Variants in CDK13 observed in about 807,000 individuals in gnomAD.
The protein encoded by CDK13 is cyclin dependent kinase 13.
CDK13 carries 40 observed loss-of-function variants against 137.6 expected under a neutral mutation model. The ratio of observed to expected loss-of-function variants is 0.29; its 90% CI spans 0.23 to 0.38. The LOEUF (loss-of-function observed/expected upper bound fraction) is 0.38. Among genes scored for constraint, CDK13 ranks in the 10% least tolerant of loss-of-function variants. CDK13 has a pLI of 1.00. For missense variants in CDK13, 1,704 were observed against 1,951.8 expected, an observed-to-expected ratio of 0.87 and a Z score of 2.39; for synonymous variants, 869 against 760.1, an observed-to-expected ratio of 1.14 and a Z score of -2.36.
chr7:40,079,625 G>A lies in CDK13; in HGVS notation c.3029+774G>A, dbSNP rs1378376469. Among the ~76,000 whole-genome samples, 6 of 152,140 alleles carry A rather than the reference G, an allele frequency of 3.9e-5. No individual in the cohort carries two copies. In the East Asian group the frequency reaches 1.2e-3, roughly 29 times the overall value. On this transcript the variant is annotated intron_variant, in intron 11 of 13. Transcript: ENST00000181839. Reference sequence around the variant, plus strand: ...CAGAGGAGGAAGCAGGCTCAGAGAGGTTAAGAAACTTGCCCAAGAATACAA... The same window carrying A: ...CAGAGGAGGAAGCAGGCTCAGAGAGATTAAGAAACTTGCCCAAGAATACAA...
chr7:40,069,422 T>G (rs1211119880), intron 9 of CDK13: 1 of 403,174 alleles, frequency 2.5e-6, no homozygotes, highest in Non-Finnish European at 5.0e-6. Flanking sequence ...TAATGCCAGC[T>G]CAGCTACTTC....
At chr7:40,065,538 C>T (rs10254394) in intron 9 of CDK13, among the ~76,000 whole-genome samples, 36,962 of 151,764 alleles carry the variant, frequency 0.24, 5,199 homozygotes, top group South Asian at 0.4. Context: ...GGGCTGCATT[C>T]GAAGCCATCC....
At chr7:39,972,308 A>G (rs1364647065) in intron 1 of CDK13, among the ~76,000 whole-genome samples, 1 of 152,242 alleles carries the variant, frequency 6.6e-6, no homozygotes, top group East Asian at 1.9e-4. Context: ...TTCTAGTTTT[A>G]AAAATAACAT....
intron 6 of CDK13, 52 bp downstream of exon 6, chr7:40,046,077 T>C (rs1033573583): frequency 8.9e-7 from 1 of 1,126,482 alleles, no homozygotes; most frequent in South Asian, 1.4e-5. Flanking sequence ...CATGGACATG[T>C]ACATGGAGAG....
rs1367788927 is a variant in CDK13 at position 39,951,519 on chromosome 7, A to T, written c.878A>T (p.Tyr293Phe). 7.2e-6 allele frequency: 11 copies of T among 1,535,420 alleles called. No individual in the cohort carries two copies. The highest frequency in any genetic ancestry group is 9.6e-6 in the Non-Finnish European group (11 of 1,143,302). ...TKSSKEPPSAYKEPPKAYRED... is the reference protein window; with the variant it reads ...TKSSKEPPSAFKEPPKAYRED... ...TCGTCCAAGGAGCCGCCTTCGGCCTACAAGGAACCGCCCAAGGCCTACCGG... is the reference window on the plus strand; with the variant it reads ...TCGTCCAAGGAGCCGCCTTCGGCCTTCAAGGAACCGCCCAAGGCCTACCGG... Residue 293 changes from tyrosine to phenylalanine, a missense_variant, in exon 1 of 14, where the codon TAC becomes TTC. By Grantham distance (22) the Tyr-to-Phe change is conservative. Coordinates refer to ENST00000181839, the MANE Select transcript of CDK13 (RefSeq NM_003718.5).
chr7:40,032,693 CTG>C (rs1168403674), intron 5 of CDK13, among the ~76,000 whole-genome samples: 3 of 151,700 alleles, frequency 2.0e-5, no homozygotes, highest in East Asian at 1.9e-4. Flanking sequence ...GATCAGTTGA[CTG>C]TTTTTTTAAT....
At chr7:40,077,732 T>C (rs1786577120) in intron 9 of CDK13, among the ~76,000 whole-genome samples, 1 of 152,078 alleles carries the variant, frequency 6.6e-6, no homozygotes, top group South Asian at 2.1e-4. Flanking sequence ...GGCGCATGCC[T>C]ATAATCCCAG....
At chr7:39,972,821 T>C (rs1466032132) in intron 1 of CDK13, among the ~76,000 whole-genome samples, 1 of 152,126 alleles carries the variant, frequency 6.6e-6, no homozygotes, top group African/African-American at 2.4e-5. Context: ...TATCTAGGAG[T>C]AGAATTGCTG....
chr7:40,069,063 G>A lies in CDK13; in HGVS notation c.2780+5963G>A, dbSNP rs112789935. 3.0e-4 allele frequency among the ~76,000 whole-genome samples: 46 copies of A among 152,112 alleles called. No individual in the cohort carries two copies. The East Asian group carries it at 5.0e-3, about 17-fold the overall frequency. On this transcript the variant is annotated intron_variant, in intron 9 of 13. Transcript: ENST00000181839. ...AGCCTGGGCAACGTGGCCAAACCCC[G>A]TCTCTACAAAAAATACAAAAATTAG...
At chr7:40,056,864 TGTTG>T (rs1786031029) in intron 7 of CDK13, among the ~76,000 whole-genome samples, 1 of 152,236 alleles carries the variant, frequency 6.6e-6, no homozygotes, top group Non-Finnish European at 1.5e-5. Context: ...ATGAATGATT[TGTTG>T]GTTAGGATAG....
Position 40,046,024 on chromosome 7 carries a change from A to G in CDK13, c.2542A>G (p.Arg848Gly), listed in dbSNP as rs765513806. The G allele has an allele frequency of 1.3e-6, 2 of 1,508,704 alleles. No homozygotes were observed. The highest frequency in any genetic ancestry group is 9.2e-7 in the Non-Finnish European group (1 of 1,088,608). 93.5% of individuals were successfully genotyped at this position (1,508,704 alleles called of 1,614,324 possible). A position where few individuals can be genotyped will look rare whatever the true frequency, so the allele number is the denominator to read the frequency against. ...IKCSNILLNN[R>G]GQIKLADFGL... ...ATGTTCCAATATCCTTCTAAATAAT[A>G]GGTATGGGTATGAACTTTATATATA... is the stretch of plus-strand genomic sequence containing the variant. The change falls in exon 6 of 14, where the codon AGA becomes GGA. Residue 848 changes from arginine to glycine, a missense_variant and splice_region_variant. Physicochemically the swap from Arg to Gly is moderately radical, Grantham distance 125. Transcript: ENST00000181839.
chr7:39,950,679 G>T lies in CDK13; in HGVS notation c.38G>T (p.Gly13Val). Residue 13 changes from glycine to valine, a missense_variant, in exon 1 of 14, where the codon GGG becomes GTG. Physicochemically the swap from Gly to Val is moderately radical, Grantham distance 109. This residue lies in a region of CDK13 where 1,051 missense variants were observed against 931.0 expected (regional missense o/e 1.13). Coordinates refer to ENST00000181839, the MANE Select transcript of CDK13 (RefSeq NM_003718.5). The stretch of plus-strand genomic sequence containing the variant: ...TCGGACACGGCGCTGGGGGGAGGCG[G>T]GGGCCTGAGCTGGGCGGAGAAGAAG... ...SSSDTALGGGGGLSWAEKKLE... is the reference protein window; with the variant it reads ...SSSDTALGGGVGLSWAEKKLE... 7.1e-7 allele frequency: 1 copy of T among 1,400,670 alleles called. No individual in the cohort carries two copies. The allele number at this position is 1,400,670 out of a possible 1,614,324, so 86.8% of individuals were successfully genotyped here. A position where few individuals can be genotyped will look rare whatever the true frequency, so the allele number is the denominator to read the frequency against.
chr7:40,026,506 C>T (rs1785246948), intron 5 of CDK13, among the ~76,000 whole-genome samples: 1 of 152,194 alleles, frequency 6.6e-6, no homozygotes, highest in African/African-American at 2.4e-5. Flanking sequence ...GAATGAGACC[C>T]TGCCTCAGAA....
Position 40,094,813 on chromosome 7 carries a change from C to A in CDK13, c.4372C>A (p.His1458Asn). The change falls in exon 14 of 14, where the codon CAC becomes AAC. Residue 1458 changes from histidine (H) to asparagine (N), a missense_variant. Coordinates refer to ENST00000181839, the MANE Select transcript of CDK13 (RefSeq NM_003718.5). The part of the protein sequence containing the change: ...ESTHPLPAKM[H>N]NYNYGGNLQE... ...TACTCATCCTTTGCCAGCAAAGATG[C>A]ACAACTATAACTATGGTGGTAACTT... 1.3e-6 allele frequency: 2 copies of A among 1,588,666 alleles called. No homozygotes were observed. Among genetic ancestry groups the A allele is most frequent in the East Asian group, 4.5e-5 (2 of 44,754 alleles).
chr7:39,992,767 T>A (rs552484157), intron 2 of CDK13, among the ~76,000 whole-genome samples: 1 of 152,208 alleles, frequency 6.6e-6, no homozygotes, highest in African/African-American at 2.4e-5. Context: ...TTATTTCTTC[T>A]TGGTATCGTT....
Position 40,001,930 on chromosome 7 carries a change from G to A in CDK13, c.2252G>A (p.Arg751Gln), listed in dbSNP as rs1057519634. 1.2e-6 allele frequency: 2 copies of A among 1,610,756 alleles called. No individual in the cohort carries two copies. Among genetic ancestry groups the A allele is most frequent in the Non-Finnish European group, 1.7e-6 (2 of 1,177,300 alleles). ...EKEGFPITAI[R>Q]EIKILRQLTH... ...GAAGGCTTTCCAATTACAGCAATTCGAGAAATTAAAATTCTCCGGCAGCTT... is the reference window on the plus strand; with the variant it reads ...GAAGGCTTTCCAATTACAGCAATTCAAGAAATTAAAATTCTCCGGCAGCTT... Residue 751 changes from arginine (R) to glutamine (Q), a missense_variant, in exon 5 of 14, where the codon CGA becomes CAA. Coordinates refer to ENST00000181839, the MANE Select transcript of CDK13 (RefSeq NM_003718.5).
At chr7:39,993,899 G>T (rs565067967) in intron 2 of CDK13, among the ~76,000 whole-genome samples, 6 of 152,170 alleles carry the variant, frequency 3.9e-5, no homozygotes, top group South Asian at 2.1e-4. Flanking sequence ...GCACCCAGAT[G>T]TATGAAATTG....
chr7:40,043,898 AT>A (rs3045302), intron 5 of CDK13, among the ~76,000 whole-genome samples: 5,682 of 137,682 alleles, frequency 0.041, 291 homozygotes, highest in African/African-American at 0.13. Flanking sequence ...ATTTTGTATA[AT>A]TTTTTTTTTT....
chr7:40,023,130 TTGAC>T (rs1785162623), intron 5 of CDK13, among the ~76,000 whole-genome samples: 1 of 151,580 alleles, frequency 6.6e-6, no homozygotes, highest in African/African-American at 2.4e-5. Context: ...TCTTACTCTG[TTGAC>T]CAGGCTGCAG....
Sources: allele counts gnomAD v4.1 joint callset (sites outside exome capture counted in the v4.1 genomes callset), GRCh38; gene constraint gnomAD v4.1.1; regional missense constraint gnomAD v4.1.1; transcripts MANE v1.5; gene names NCBI Gene and HGNC (gene_info 2026-07-23, HGNC 2026-07-21).